Variants in PLCB1 observed in about 807,000 individuals in gnomAD.
PLCB1 encodes 1-phosphatidylinositol 4,5-bisphosphate phosphodiesterase beta-1.
Under a neutral mutation model 161.8 loss-of-function variants are expected in PLCB1, and 46 were observed. The ratio of observed to expected loss-of-function variants is 0.28; its 90% CI spans 0.22 to 0.36. The LOEUF (loss-of-function observed/expected upper bound fraction) is 0.36. PLCB1 is among the 10% of genes least tolerant of loss of function. PLCB1 has a pLI of 1.00. For synonymous variants in PLCB1, 517 were observed against 503.7 expected (o/e 1.03, Z -0.35); for missense variants, 1,016 against 1,472.5 (o/e 0.69, Z 5.07).
chr20:8,431,719 T>G (rs1980050864), intron 3 of PLCB1, among the ~76,000 whole-genome samples: 1 of 152,182 alleles, frequency 6.6e-6, no homozygotes, highest in South Asian at 2.1e-4. Flanking sequence ...GTGTAAAGTT[T>G]TCTAGAAAAT....
At chr20:8,663,831 G>A (rs1331875406) in intron 9 of PLCB1, among the ~76,000 whole-genome samples, 1 of 152,086 alleles carries the variant, frequency 6.6e-6, no homozygotes, top group African/African-American at 2.4e-5. Flanking sequence ...ACAGGAATAT[G>A]CAATGACCCC....
chr20:8,683,554 C>T (rs547992718), intron 9 of PLCB1, among the ~76,000 whole-genome samples: 2 of 152,104 alleles, frequency 1.3e-5, no homozygotes, highest in Non-Finnish European at 2.9e-5. Context: ...AAGATTATGA[C>T]AAAAAATTGT....
chr20:8,303,764 C>T (rs945427993), intron 2 of PLCB1, among the ~76,000 whole-genome samples: 4 of 152,178 alleles, frequency 2.6e-5, no homozygotes, highest in African/African-American at 7.2e-5. Flanking sequence ...ATTAGAATAG[C>T]TGAGAACGAC....
chr20:8,629,963 C>T (rs866423932), intron 4 of PLCB1, among the ~76,000 whole-genome samples: 27 of 111,138 alleles, frequency 2.4e-4, no homozygotes, highest in African/African-American at 1.0e-3. Flanking sequence ...TTCTTTCTTT[C>T]TTCTTTCTTT....
At chr20:8,456,484 G>A (rs1220832825) in intron 3 of PLCB1, among the ~76,000 whole-genome samples, 1 of 152,032 alleles carries the variant, frequency 6.6e-6, no homozygotes, top group African/African-American at 2.4e-5. Flanking sequence ...ACATTGCAGA[G>A]TAGCAGTAAA....
chr20:8,390,357 G>A (rs1323979160), intron 3 of PLCB1, among the ~76,000 whole-genome samples: 1 of 152,022 alleles, frequency 6.6e-6, no homozygotes, highest in Non-Finnish European at 1.5e-5. Context: ...TTGCATTAGG[G>A]CCCACCCTCA....
At chr20:8,386,186 C>A (rs1250052047) in intron 3 of PLCB1, among the ~76,000 whole-genome samples, 1 of 152,176 alleles carries the variant, frequency 6.6e-6, no homozygotes, top group Non-Finnish European at 1.5e-5. Flanking sequence ...TTAATGGCAT[C>A]TAGAATGGTG....
Position 8,162,764 on chromosome 20 carries a change from G to C in PLCB1, c.177+12393G>C, listed in dbSNP as rs537474632. 1.4e-4 allele frequency among the ~76,000 whole-genome samples: 22 copies of C among 152,330 alleles called. No individual in the cohort carries two copies. In the South Asian group the frequency reaches 4.1e-3, roughly 29 times the overall value. ...CTTAAGTGAAAAGTTTTATGGGACA[G>C]AGCTAGTTGCTATGCTAAGAAACTA... On this transcript the variant is annotated intron_variant, in intron 2 of 31. Coordinates refer to ENST00000338037, the MANE Select transcript of PLCB1 (RefSeq NM_015192.4).
intron 27 of PLCB1, among the ~76,000 whole-genome samples, chr20:8,787,181 A>G (rs532244996): frequency 7.9e-5 from 12 of 152,290 alleles, no homozygotes; most frequent in African/African-American, 2.9e-4. Flanking sequence ...AAAGGAAAAG[A>G]GGGAAACAGG....
chr20:8,647,705 G>A (rs1019120700), intron 5 of PLCB1, among the ~76,000 whole-genome samples, 195 bp from the exon 6 acceptor site: 1 of 152,162 alleles, frequency 6.6e-6, no homozygotes, highest in African/African-American at 2.4e-5. Context: ...GGGCGTTTGG[G>A]AAGGGCTTCT....
At chr20:8,763,978 A>C (rs1285439817) in intron 25 of PLCB1, among the ~76,000 whole-genome samples, 1 of 152,092 alleles carries the variant, frequency 6.6e-6, no homozygotes, top group East Asian at 2.0e-4. Context: ...CAGGCTGGCC[A>C]ACATGGCGAA....
intron 31 of PLCB1, chr20:8,802,181 T>A (rs745924064): frequency 2.7e-6 from 4 of 1,473,214 alleles, no homozygotes; most frequent in Admixed American, 3.4e-5. Flanking sequence ...CAGGTAGGAC[T>A]GGATGGGAGG....
intron 15 of PLCB1, among the ~76,000 whole-genome samples, chr20:8,723,900 A>G (rs1289304870): frequency 6.7e-6 from 1 of 149,550 alleles, no homozygotes; most frequent in Non-Finnish European, 1.5e-5. Flanking sequence ...TTGTTTACCC[A>G]CCCCTGCCCA....
chr20:8,808,878 A>G (rs1984671702), intron 31 of PLCB1, among the ~76,000 whole-genome samples: 1 of 152,264 alleles, frequency 6.6e-6, no homozygotes, highest in South Asian at 2.1e-4. Context: ...GTTATTCAAC[A>G]CAACCATTAC....
intron 2 of PLCB1, among the ~76,000 whole-genome samples, chr20:8,166,808 C>T (rs549128171): frequency 8.5e-5 from 13 of 152,272 alleles, no homozygotes; most frequent in South Asian, 2.1e-4. Flanking sequence ...TCCCTAGACA[C>T]GGCATATTTC....
chr20:8,855,018 T>C (rs568190285), intron 31 of PLCB1, among the ~76,000 whole-genome samples: 9 of 152,236 alleles, frequency 5.9e-5, no homozygotes, highest in Non-Finnish European at 1.0e-4. Context: ...TTTTAAACGA[T>C]GTATGCACAA....
intron 4 of PLCB1, among the ~76,000 whole-genome samples, chr20:8,629,875 T>TTC (rs35542041): frequency 1.2e-5 from 1 of 83,462 alleles, no homozygotes; most frequent in Admixed American, 1.4e-4. Context: ...CTTTCTTTCT[T>TTC]TCTCTCTCTC....
At chr20:8,849,022 AAC>A (rs1986793894) in intron 31 of PLCB1, among the ~76,000 whole-genome samples, 1 of 152,150 alleles carries the variant, frequency 6.6e-6, no homozygotes, top group East Asian at 1.9e-4. Flanking sequence ...AGAATCTGTA[AAC>A]AGTTTGTCCT....
chr20:8,558,743 C>T (rs977865616), intron 3 of PLCB1, among the ~76,000 whole-genome samples: 3 of 151,770 alleles, frequency 2.0e-5, no homozygotes, highest in Admixed American at 2.0e-4. Context: ...TAACTGATTT[C>T]TTATCAGAAA....
Sources: gnomAD v4.1 joint callset for allele counts (sites outside exome capture counted in the v4.1 genomes callset) on GRCh38, gnomAD v4.1.1 for gene constraint, MANE v1.5 for transcripts, NCBI Gene and HGNC (gene_info 2026-07-23, HGNC 2026-07-21) for gene names.